The following CFAP54 variants were observed in gnomAD, a reference collection of about 807,000 sequenced individuals.
CFAP54 encodes the protein cilia- and flagella-associated protein 54.
In CFAP54, 290 loss-of-function variants were observed where a neutral mutation model predicts 370.4. That is an observed-to-expected ratio of 0.78 (90% CI 0.71 to 0.86). The LOEUF is 0.86. Ranked by LOEUF, CFAP54 falls within the 40% of genes least tolerant of loss-of-function variation. CFAP54 has a pLI of 0.00. For synonymous variants in CFAP54, 1,206 were observed against 1,236.5 expected, an observed-to-expected ratio of 0.98 and a Z score of 0.52; for missense variants, 3,399 against 3,528.7, an observed-to-expected ratio of 0.96 and a Z score of 0.93.
chr12:96,533,160 C>G (rs904631790), intron 9 of CFAP54, among the ~76,000 whole-genome samples: 13 of 151,420 alleles, frequency 8.6e-5, no homozygotes, highest in African/African-American at 3.2e-4. Flanking sequence ...GAGTCAGGTT[C>G]TTGCTATATT....
At chr12:96,660,171 T>C (rs1488003985) in intron 38 of CFAP54, among the ~76,000 whole-genome samples, 1 of 152,104 alleles carries the variant, frequency 6.6e-6, no homozygotes, top group Admixed American at 6.5e-5. Flanking sequence ...CATACAGTGA[T>C]CTAGGGAAAG....
chr12:96,556,116 A>G (rs1158390385), intron 17 of CFAP54, among the ~76,000 whole-genome samples: 2 of 152,062 alleles, frequency 1.3e-5, no homozygotes, highest in Non-Finnish European at 2.9e-5. Context: ...CAGATGCACC[A>G]AAGAGTTAAA....
rs1295272845 is a variant in CFAP54, at chr12:96,664,759, A to ATATATCTATATC, written c.5563+839_5563+850dup. ...TATATCTATATATATATATATCTAT[A>ATATATCTATATC]TATATCTATATCTATATCTATATAT... On this transcript the variant is annotated intron_variant, in intron 39 of 67. Coordinates refer to ENST00000524981, the MANE Select transcript of CFAP54 (RefSeq NM_001306084.2). 7.7e-3 allele frequency among the ~76,000 whole-genome samples: 200 copies of ATATATCTATATC among 26,026 alleles called. 1 individual carries two copies. Among genetic ancestry groups the ATATATCTATATC allele is most frequent in the Non-Finnish European group, 0.011 (168 of 15,218 alleles). The allele number at this position is 26,026 out of a possible 152,430, so 17.1% of individuals were successfully genotyped here. A position where few individuals can be genotyped will look rare whatever the true frequency, so the allele number is the denominator to read the frequency against.
intron 58 of CFAP54, among the ~76,000 whole-genome samples, chr12:96,760,359 G>A (rs1408127849): frequency 6.6e-6 from 1 of 152,020 alleles, no homozygotes; most frequent in Non-Finnish European, 1.5e-5. Flanking sequence ...TTACAGAGTT[G>A]TTCAACAATC....
intron 32 of CFAP54, among the ~76,000 whole-genome samples, chr12:96,637,174 CT>C (rs1207603468): frequency 3.3e-5 from 5 of 152,182 alleles, no homozygotes; most frequent in Non-Finnish European, 7.3e-5. Flanking sequence ...CCACTGGCTT[CT>C]TTCACTTAGC....
intron 67 of CFAP54, among the ~76,000 whole-genome samples, chr12:96,863,538 C>G (rs1227023448): frequency 1.3e-5 from 2 of 152,208 alleles, no homozygotes; most frequent in African/African-American, 2.4e-5. Flanking sequence ...CTAAGCTGGC[C>G]TCCTCTGCCC....
In CFAP54 at chr12:96,576,708, C is replaced by G; in HGVS notation, c.2743C>G (p.Arg915Gly). The G allele has an allele frequency of 6.5e-7, 1 of 1,535,864 alleles. No homozygotes were observed. Among genetic ancestry groups the G allele is most frequent in the Non-Finnish European group, 8.7e-7 (1 of 1,146,684 alleles). Residue 915 changes from arginine to glycine, a missense_variant, in exon 20 of 68, where the codon CGA (arginine) becomes GGA (glycine). Around this residue, in one of 3 missense-constraint regions of CFAP54, gnomAD observed 2,796 missense variants for 2,869.7 expected, o/e 0.97. Coordinates refer to ENST00000524981, the MANE Select transcript of CFAP54 (RefSeq NM_001306084.2). ...RVPPPPILLS[R>G]THCSVTLKPA... ...CCCCCCTCCACCTATCCTGCTGTCT[C>G]GAACTCATTGTTCTGTGACACTCAA...
chr12:96,677,055 T>G (rs1222229403), intron 39 of CFAP54, among the ~76,000 whole-genome samples: 4 of 138,240 alleles, frequency 2.9e-5, no homozygotes, highest in Non-Finnish European at 4.6e-5. Flanking sequence ...CAGGCTGGAG[T>G]GCAATAGCAT....
chr12:96,755,957 C>A (rs575205681), intron 56 of CFAP54, among the ~76,000 whole-genome samples: 5 of 152,076 alleles, frequency 3.3e-5, no homozygotes, highest in Non-Finnish European at 4.4e-5. Flanking sequence ...TGAGCCACCA[C>A]GGCCAGCCAT....
intron 44 of CFAP54, among the ~76,000 whole-genome samples, chr12:96,692,588 G>T (rs901884039): frequency 6.6e-6 from 1 of 152,120 alleles, no homozygotes; most frequent in Admixed American, 6.6e-5. Flanking sequence ...TATGTTTGTA[G>T]GGCATAGTTA....
intron 26 of CFAP54, among the ~76,000 whole-genome samples, chr12:96,618,647 G>C (rs1475531791): frequency 6.6e-6 from 1 of 152,126 alleles, no homozygotes; most frequent in Non-Finnish European, 1.5e-5. Context: ...AGATGGGAGA[G>C]AATGCTGACC....
chr12:96,605,114 G>A (rs183055649), intron 26 of CFAP54, among the ~76,000 whole-genome samples: 48 of 151,600 alleles, frequency 3.2e-4, no homozygotes, highest in Middle Eastern at 3.4e-3. Context: ...TCTTGGAAGC[G>A]ACTGCATTTG....
chr12:96,825,687 TCACG>T, intron 65 of CFAP54, among the ~76,000 whole-genome samples: 1 of 123,212 alleles, frequency 8.1e-6, no homozygotes, highest in South Asian at 2.4e-4. Context: ...ATATAACATA[TCACG>T]ATATATATTA....
chr12:96,844,080 T>G (rs915463637), intron 66 of CFAP54, among the ~76,000 whole-genome samples: 1 of 152,362 alleles, frequency 6.6e-6, no homozygotes, highest in Non-Finnish European at 1.5e-5. Context: ...TATTATATTT[T>G]TATTGACTAA....
At chr12:96,689,576 ATGAAGCCAGTC>A (rs1253217966) in intron 43 of CFAP54, among the ~76,000 whole-genome samples, 2 of 152,190 alleles carry the variant, frequency 1.3e-5, no homozygotes, top group Non-Finnish European at 2.9e-5. Context: ...AGTAATCAGT[ATGAAGCCAGTC>A]TGACTTCAGA....
At chr12:96,820,346 C>G (rs1417002582) in intron 65 of CFAP54, among the ~76,000 whole-genome samples, 1 of 152,104 alleles carries the variant, frequency 6.6e-6, no homozygotes, top group Non-Finnish European at 1.5e-5. Flanking sequence ...TATACACTTT[C>G]ATTATGTGAA....
intron 50 of CFAP54, among the ~76,000 whole-genome samples, chr12:96,725,315 A>G (rs947411888): frequency 6.6e-6 from 1 of 151,806 alleles, no homozygotes; most frequent in Admixed American, 6.6e-5. Flanking sequence ...TGAGCATGGA[A>G]TGTTCTTCCA....
At chr12:96,598,508 T>TA (rs1356785903) in intron 25 of CFAP54, 137 bp from the exon 26 acceptor site, 1 of 431,608 alleles carries the variant, frequency 2.3e-6, no homozygotes, top group African/African-American at 2.0e-5. Context: ...CCTTTATTCC[T>TA]AATAAACAAT....
At position 96,721,019 on chromosome 12, in the gene CFAP54, C is replaced by CAA. The variant is rs201204122; in HGVS notation, c.6965+467_6965+468dup. On this transcript the variant is annotated intron_variant, in intron 50 of 67. Transcript: ENST00000524981. ...TGGATGACAGAGCAAGACTCTGTCT[C>CAA]AAAAAAAAAAAAAATTACAGTTCTC... Among the ~76,000 whole-genome samples, 10 of 118,368 alleles carry CAA rather than the reference C, an allele frequency of 8.4e-5. No individual in the cohort carries two copies. The East Asian group carries it at 2.1e-3, about 25-fold the overall frequency. The allele number at this position is 118,368 out of a possible 152,430, so 77.7% of individuals were successfully genotyped here.
Sources: allele counts gnomAD v4.1 joint callset (sites outside exome capture counted in the v4.1 genomes callset), GRCh38; gene constraint gnomAD v4.1.1; regional missense constraint gnomAD v4.1.1; transcripts MANE v1.5; gene names NCBI Gene and HGNC (gene_info 2026-07-23, HGNC 2026-07-21).